KCNH1: variants seen among roughly 807,000 people sequenced by gnomAD.
KCNH1 encodes voltage-gated delayed rectifier potassium channel KCNH1.
A neutral mutation model predicts 69.2 loss-of-function variants in KCNH1; 27 were observed. The ratio of observed to expected loss-of-function variants is 0.39; its 90% CI spans 0.29 to 0.54. KCNH1 has a LOEUF of 0.54. KCNH1 is among the 20% of genes least tolerant of loss of function. The pLI is 0.68. For missense variants in KCNH1, 798 were observed against 1,261.6 expected, an observed-to-expected ratio of 0.63 and a Z score of 5.57; for synonymous variants, 456 against 487.7, an observed-to-expected ratio of 0.93 and a Z score of 0.86.
chr1:210,727,262 T>G (rs997991091), intron 10 of KCNH1, among the ~76,000 whole-genome samples: 1 of 152,228 alleles, frequency 6.6e-6, no homozygotes, highest in African/African-American at 2.4e-5. Flanking sequence ...CAAAGGCATA[T>G]TCCCACTAAG....
intron 7 of KCNH1, among the ~76,000 whole-genome samples, chr1:210,819,801 C>A (rs1242446090): frequency 6.6e-6 from 1 of 152,154 alleles, no homozygotes; most frequent in Non-Finnish European, 1.5e-5. Context: ...GTGTAGCTAC[C>A]AAGACTGTAA....
intron 10 of KCNH1, among the ~76,000 whole-genome samples, chr1:210,697,727 CCTCA>C (rs1351557769): frequency 6.6e-6 from 1 of 152,214 alleles, no homozygotes; most frequent in African/African-American, 2.4e-5. Context: ...ACTAGTGGCT[CCTCA>C]CTCCTGGAGC....
At chr1:210,924,837 C>T (rs1687535492) in intron 6 of KCNH1, among the ~76,000 whole-genome samples, 1 of 151,684 alleles carries the variant, frequency 6.6e-6, no homozygotes, top group Non-Finnish European at 1.5e-5. Flanking sequence ...CACATCACTG[C>T]TTCCACTAAC....
chr1:211,019,554 A>G (rs1423532979), intron 5 of KCNH1, among the ~76,000 whole-genome samples: 3 of 152,202 alleles, frequency 2.0e-5, no homozygotes, highest in East Asian at 1.9e-4. Context: ...CTATTAGCCA[A>G]TTATTATTGG....
At chr1:210,781,415 C>G (rs1683981726) in intron 9 of KCNH1, among the ~76,000 whole-genome samples, 1 of 152,106 alleles carries the variant, frequency 6.6e-6, no homozygotes, top group Non-Finnish European at 1.5e-5. Context: ...AGTCCTTTGT[C>G]CTCATGCCAT....
chr1:210,723,070 G>C lies in KCNH1; in HGVS notation c.2113-38932C>G, dbSNP rs535666672. On this transcript the variant is annotated intron_variant, in intron 10 of 10. Coordinates refer to ENST00000271751, the MANE Select transcript of KCNH1 (RefSeq NM_172362.3). ...ACAACCATAAGGGGAAAATTAATCA[G>C]TAAAGAGGTATGAGCAAAGTACTTA... Among the ~76,000 whole-genome samples the C allele has an allele frequency of 3.4e-3, 514 of 152,202 alleles. 1 individual carries two copies. Among genetic ancestry groups the C allele is most frequent in the African/African-American group, 0.012 (489 of 41,524 alleles).
intron 8 of KCNH1, among the ~76,000 whole-genome samples, chr1:210,801,131 A>G (rs1478689300): frequency 6.6e-6 from 1 of 152,234 alleles, no homozygotes; most frequent in African/African-American, 2.4e-5. Context: ...CCAGAAGGTC[A>G]TAGCCAAAAG....
At chr1:210,903,191 T>G (rs928537658) in intron 7 of KCNH1, among the ~76,000 whole-genome samples, 2 of 152,198 alleles carry the variant, frequency 1.3e-5, no homozygotes, top group Non-Finnish European at 2.9e-5. Context: ...TTAGGCCACT[T>G]CTACCCACTT....
At chr1:210,860,997 T>C in intron 7 of KCNH1, 1 of 1,062,430 alleles carries the variant, frequency 9.4e-7, no homozygotes, top group African/African-American at 1.6e-5. Flanking sequence ...CCATCTTTTT[T>C]TCAAAGGTCA....
chr1:210,785,542 A>T (rs555938243), intron 9 of KCNH1, among the ~76,000 whole-genome samples: 1 of 152,010 alleles, frequency 6.6e-6, no homozygotes, highest in East Asian at 1.9e-4. Context: ...CTACCACCAC[A>T]TCTGGGTAAT....
chr1:211,114,452 A>C (rs1691531563), intron 1 of KCNH1, among the ~76,000 whole-genome samples: 1 of 151,966 alleles, frequency 6.6e-6, no homozygotes, highest in African/African-American at 2.4e-5. Context: ...CTGTTAAATA[A>C]AATAAAGAAA....
intron 7 of KCNH1, among the ~76,000 whole-genome samples, chr1:210,917,229 GAGAAAGAAAGAAAGAA>G (rs1187754589): frequency 1.1e-3 from 85 of 78,868 alleles, no homozygotes; most frequent in African/African-American, 3.7e-3. Flanking sequence ...GAGAGAGAGA[GAGAAAGAAAGAAAGAA>G]AGAAAGAAAG....
intron 6 of KCNH1, among the ~76,000 whole-genome samples, chr1:211,008,647 G>T: frequency 6.6e-6 from 1 of 152,230 alleles, no homozygotes; most frequent in East Asian, 1.9e-4. Flanking sequence ...TCAGAATAAT[G>T]GTTATTTCAG....
At chr1:210,750,449 A>G (rs1168069666) in intron 10 of KCNH1, among the ~76,000 whole-genome samples, 2 of 152,150 alleles carry the variant, frequency 1.3e-5, no homozygotes, top group African/African-American at 2.4e-5. Flanking sequence ...GTAGGTCCTG[A>G]TGAGTTTATC....
chr1:210,776,637 C>G (rs1178884781), intron 9 of KCNH1, among the ~76,000 whole-genome samples: 1 of 152,158 alleles, frequency 6.6e-6, no homozygotes, highest in Admixed American at 6.5e-5. Context: ...TCACCAGAAC[C>G]TGACAATGCT....
At chr1:210,847,868 G>T (rs1228909057) in intron 7 of KCNH1, among the ~76,000 whole-genome samples, 1 of 151,938 alleles carries the variant, frequency 6.6e-6, no homozygotes, top group Admixed American at 6.6e-5. Context: ...AAATTACCAT[G>T]AGCAAAATTA....
intron 6 of KCNH1, among the ~76,000 whole-genome samples, chr1:211,011,758 C>T (rs1689399736): frequency 6.6e-6 from 1 of 152,212 alleles, no homozygotes; most frequent in East Asian, 1.9e-4. Context: ...AGGATCATGA[C>T]TCCGGTGCGT....
chr1:210,694,922 CA>C (rs553367976), intron 10 of KCNH1, among the ~76,000 whole-genome samples: 342 of 152,338 alleles, frequency 2.2e-3, no homozygotes, highest in African/African-American at 8.1e-3. Flanking sequence ...GATGATCCAA[CA>C]GCTTTCCCAG....
intron 6 of KCNH1, among the ~76,000 whole-genome samples, chr1:210,949,409 C>T (rs1688020987): frequency 6.6e-6 from 1 of 152,202 alleles, no homozygotes; most frequent in South Asian, 2.1e-4. Context: ...ACCCTAAGCT[C>T]ACCTACTCCA....
Sources: gnomAD v4.1 joint callset for allele counts (sites outside exome capture counted in the v4.1 genomes callset) on GRCh38, gnomAD v4.1.1 for gene constraint, MANE v1.5 for transcripts, NCBI Gene and HGNC (gene_info 2026-07-23, HGNC 2026-07-21) for gene names.